BTBD9: variants seen among roughly 807,000 people sequenced by gnomAD.
BTBD9 encodes BTB/POZ domain-containing protein 9.
A neutral mutation model predicts 64.3 loss-of-function variants in BTBD9; 49 were observed. The observed-to-expected ratio is 0.76, with a 90% CI of 0.61 to 0.97. The LOEUF (loss-of-function observed/expected upper bound fraction) is 0.97, where lower values mean the gene tolerates loss of function less well. Ranked by LOEUF, BTBD9 falls within the 50% of genes least tolerant of loss-of-function variation. The pLI is 0.00. For missense variants in BTBD9, 598 were observed against 762.1 expected (o/e 0.78, Z 2.53); for synonymous variants, 260 against 274.7 (o/e 0.95, Z 0.53).
intron 1 of BTBD9, among the ~76,000 whole-genome samples, chr6:38,604,617 C>T (rs773237985): frequency 1.5e-4 from 23 of 152,224 alleles, no homozygotes; most frequent in South Asian, 4.1e-4. Flanking sequence ...CATAGGGTGG[C>T]TATGATTTTA....
At chr6:38,605,377 C>T (rs777684197) in intron 1 of BTBD9, among the ~76,000 whole-genome samples, 21 of 152,262 alleles carry the variant, frequency 1.4e-4, no homozygotes, top group Admixed American at 7.2e-4. Flanking sequence ...AAGTGGATGG[C>T]ACTGCCTCCT....
chr6:38,184,565 C>T lies in BTBD9; in HGVS notation c.1641+7954G>A, dbSNP rs1337593830. ...CTCCATTTGCTCTCTCTGTGCTCTG[C>T]CACAGAGCACAGAGAGCGCCCACTG... On this transcript the variant is annotated intron_variant, in intron 10 of 10. Coordinates refer to ENST00000481247, the MANE Select transcript of BTBD9 (RefSeq NM_001099272.2). The surrounding 1 kb of genome is among the most constrained non-coding windows in gnomAD (Gnocchi z 4.4). Among the ~76,000 whole-genome samples, 1 of 152,018 alleles carries T rather than the reference C, an allele frequency of 6.6e-6. No individual in the cohort carries two copies. Among genetic ancestry groups the T allele is most frequent in the Admixed American group, 6.5e-5 (1 of 15,274 alleles).
intron 6 of BTBD9, among the ~76,000 whole-genome samples, chr6:38,491,743 C>A (rs1771711335): frequency 6.6e-6 from 1 of 151,856 alleles, no homozygotes; most frequent in Non-Finnish European, 1.5e-5. Flanking sequence ...AGCAATGAGG[C>A]AATGAAGGAA....
In BTBD9 at chr6:38,184,193, G is replaced by T. The variant is rs985984181; in HGVS notation, c.1641+8326C>A. 6.6e-6 allele frequency among the ~76,000 whole-genome samples: 1 copy of T among 152,146 alleles called. No homozygotes were observed. Among genetic ancestry groups the T allele is most frequent in the Non-Finnish European group, 1.5e-5 (1 of 68,024 alleles). ...ATCCCGTTGGGTTCAGGATGAACAA[G>T]GCTGCGGTGACAGCATCCTCACTCT... On this transcript the variant is annotated intron_variant, in intron 10 of 10. Coordinates refer to ENST00000481247, the MANE Select transcript of BTBD9 (RefSeq NM_001099272.2). The surrounding 1 kb of genome is among the most constrained non-coding windows in gnomAD (Gnocchi z 4.4).
chr6:38,322,707 T>C (rs2127576886), intron 7 of BTBD9, among the ~76,000 whole-genome samples: 1 of 152,352 alleles, frequency 6.6e-6, no homozygotes, highest in East Asian at 1.9e-4. Context: ...AACTTTGAAA[T>C]GTCAAAAGCA....
At chr6:38,555,335 G>A (rs1774967249) in intron 6 of BTBD9, among the ~76,000 whole-genome samples, 1 of 152,168 alleles carries the variant, frequency 6.6e-6, no homozygotes, top group Non-Finnish European at 1.5e-5. Context: ...ACCCATTACA[G>A]GAGGTTCTCA....
chr6:38,580,913 C>T (rs148559199), intron 4 of BTBD9, among the ~76,000 whole-genome samples: 1 of 152,098 alleles, frequency 6.6e-6, no homozygotes, highest in Non-Finnish European at 1.5e-5. Context: ...ACTAAACAGG[C>T]GGGGTGCAGT....
At chr6:38,508,735 G>T (rs918184198) in intron 6 of BTBD9, among the ~76,000 whole-genome samples, 6 of 151,970 alleles carry the variant, frequency 3.9e-5, no homozygotes. Context: ...GCTTGCCTCC[G>T]CTTCTATGTT....
intron 6 of BTBD9, among the ~76,000 whole-genome samples, chr6:38,456,968 A>G (rs571317439): frequency 6.6e-6 from 1 of 152,354 alleles, no homozygotes; most frequent in African/African-American, 2.4e-5. Flanking sequence ...AGTTATCAGG[A>G]AAGAGTCTCT....
chr6:38,465,230 T>C (rs980195856), intron 6 of BTBD9, among the ~76,000 whole-genome samples: 3 of 150,886 alleles, frequency 2.0e-5, no homozygotes, highest in African/African-American at 7.3e-5. Context: ...GGGAGGTTGA[T>C]GCTGCAGTGA....
At chr6:38,304,436 C>T (rs1762545568) in intron 7 of BTBD9, among the ~76,000 whole-genome samples, 1 of 152,108 alleles carries the variant, frequency 6.6e-6, no homozygotes, top group South Asian at 2.1e-4. Context: ...ATCCCAGCTA[C>T]TCGGGAGGCT....
intron 1 of BTBD9, among the ~76,000 whole-genome samples, chr6:38,601,589 G>A (rs941647779): frequency 6.6e-6 from 1 of 152,172 alleles, no homozygotes; most frequent in Non-Finnish European, 1.5e-5. Flanking sequence ...GGGAGGCTGA[G>A]TCAGGAGGAT....
At position 38,597,927 on chromosome 6, in the gene BTBD9, G is replaced by C; in HGVS notation, c.168C>G (p.Ala56=). Residue 56 remains alanine, a synonymous_variant, in exon 2 of 11, where the codon GCC becomes GCG. Transcript: ENST00000481247. ...RFPAHRVILA[A]RCQYFRALLY... ...ACACTTACCGAAAATATTGGCACCT[G>C]GCTGCTAAAATTACCCTGTGGGCAG... 2 of 1,613,768 alleles carry C rather than the reference G, an allele frequency of 1.2e-6. No homozygotes were observed. Among genetic ancestry groups the C allele is most frequent in the Middle Eastern group, 1.7e-4 (1 of 6,060 alleles).
intron 6 of BTBD9, among the ~76,000 whole-genome samples, chr6:38,386,353 C>T (rs528389093): frequency 9.2e-5 from 14 of 151,924 alleles, no homozygotes; most frequent in South Asian, 4.2e-4. Context: ...TCAATTTAAA[C>T]GGAATAAATA....
At chr6:38,522,281 A>G (rs1419668077) in intron 6 of BTBD9, among the ~76,000 whole-genome samples, 1 of 152,186 alleles carries the variant, frequency 6.6e-6, no homozygotes, top group Non-Finnish European at 1.5e-5. Flanking sequence ...AAAAACAAAA[A>G]AACAAAAAAC....
At chr6:38,358,564 C>T (rs1764822560) in intron 6 of BTBD9, among the ~76,000 whole-genome samples, 1 of 152,034 alleles carries the variant, frequency 6.6e-6, no homozygotes, top group Non-Finnish European at 1.5e-5. Flanking sequence ...GCAGGGTGGC[C>T]AAGGATTCTA....
chr6:38,383,559 ATGG>A (rs1277354341), intron 6 of BTBD9, among the ~76,000 whole-genome samples: 1 of 152,224 alleles, frequency 6.6e-6, no homozygotes, highest in African/African-American at 2.4e-5. Context: ...ACTGTACAAA[ATGG>A]CAACAAAAAT....
chr6:38,232,499 T>C (rs916266028), intron 9 of BTBD9, among the ~76,000 whole-genome samples: 1 of 152,152 alleles, frequency 6.6e-6, no homozygotes, highest in Non-Finnish European at 1.5e-5. Context: ...CTCGATCTCC[T>C]GACCTCGTGA....
At chr6:38,370,571 G>A (rs1368686945) in intron 6 of BTBD9, among the ~76,000 whole-genome samples, 6 of 152,166 alleles carry the variant, frequency 3.9e-5, no homozygotes, top group South Asian at 4.1e-4. Flanking sequence ...GTAGGTCTAA[G>A]AGAATCCACA....
Sources: allele counts gnomAD v4.1 joint callset (sites outside exome capture counted in the v4.1 genomes callset), GRCh38; gene constraint gnomAD v4.1.1; non-coding constraint Gnocchi (gnomAD v3.1); transcripts MANE v1.5; gene names NCBI Gene and HGNC (gene_info 2026-07-23, HGNC 2026-07-21).